Variants in CEP63 observed in about 807,000 individuals in gnomAD.
CEP63 encodes centrosomal protein 63.
A neutral mutation model predicts 89.1 loss-of-function variants in CEP63; 84 were observed. The ratio of observed to expected loss-of-function variants is 0.94; its 90% confidence interval spans 0.79 to 1.13. CEP63 has a LOEUF of 1.13. Ranked by LOEUF, CEP63 falls within the 50% of genes most tolerant of loss-of-function variation. The pLI is 0.00. For synonymous variants in CEP63, 267 were observed against 272.5 expected, an observed-to-expected ratio of 0.98 and a Z score of 0.20; for missense variants, 838 against 813.3, an observed-to-expected ratio of 1.03 and a Z score of -0.37.
the CEP63 span, among the ~76,000 whole-genome samples, chr3:134,745,668 T>C: frequency 2.0e-5 from 3 of 152,122 alleles, no homozygotes; most frequent in Non-Finnish European, 4.4e-5. Flanking sequence ...TTTCTCTTAA[T>C]GCTATCTTTC....
At chr3:134,675,678 C>T in the CEP63 span, among the ~76,000 whole-genome samples, 2 of 152,176 alleles carry the variant, frequency 1.3e-5, no homozygotes, top group Admixed American at 1.3e-4. Context: ...ACTAATACAA[C>T]TCAATACTAA....
At chr3:134,780,577 G>T in the CEP63 span, 2 of 152,074 alleles carry the variant, frequency 1.3e-5, no homozygotes, top group African/African-American at 4.8e-5. Context: ...CAGAGGAGCC[G>T]TGCTAATCTG....
At chr3:134,620,198 A>C in the CEP63 span, among the ~76,000 whole-genome samples, 2 of 152,150 alleles carry the variant, frequency 1.3e-5, no homozygotes, top group Non-Finnish European at 2.9e-5. Flanking sequence ...CATCCTGTGG[A>C]GAGCTGTGGG....
At chr3:134,651,882 T>C in the CEP63 span, among the ~76,000 whole-genome samples, 9 of 152,278 alleles carry the variant, frequency 5.9e-5, no homozygotes, top group East Asian at 9.7e-4. Flanking sequence ...AGTGTTTACA[T>C]AGGCTTCTGC....
At chr3:134,637,003 T>C in the CEP63 span, among the ~76,000 whole-genome samples, 3 of 152,222 alleles carry the variant, frequency 2.0e-5, no homozygotes, top group African/African-American at 4.8e-5. Flanking sequence ...TTATTTTTCA[T>C]AGAATAACAA....
chr3:134,543,319 G>A (rs938113023), intron 6 of CEP63, among the ~76,000 whole-genome samples: 3 of 152,078 alleles, frequency 2.0e-5, no homozygotes, highest in East Asian at 1.9e-4. Flanking sequence ...TGCAATATCC[G>A]CGTGTGGGTG....
intron 10 of CEP63, among the ~76,000 whole-genome samples, chr3:134,584,960 T>TTTTTGTTTTG (rs373896655): frequency 5.4e-5 from 1 of 18,378 alleles, no homozygotes; most frequent in Non-Finnish European, 1.4e-4. Context: ...TCTAGGGTTT[T>TTTTTGTTTTG]TTTTTTTTTT....
At chr3:134,634,133 C>T in the CEP63 span, among the ~76,000 whole-genome samples, 1 of 152,132 alleles carries the variant, frequency 6.6e-6, no homozygotes, top group Admixed American at 6.5e-5. Flanking sequence ...GATGGGGAGA[C>T]ATACCATGTT....
At chr3:134,742,806 T>C in the CEP63 span, among the ~76,000 whole-genome samples, 1 of 152,234 alleles carries the variant, frequency 6.6e-6, no homozygotes. Context: ...TACCATGGGA[T>C]GACAGAGCAA....
chr3:134,528,557 T>TGTGTGTGTGC (rs1553763850), intron 3 of CEP63, among the ~76,000 whole-genome samples: 9 of 118,652 alleles, frequency 7.6e-5, no homozygotes, highest in East Asian at 2.3e-4. Context: ...AGGAGGGGTG[T>TGTGTGTGTGC]GTGTGTGTGT....
chr3:134,643,425 T>C, the CEP63 span: 5 of 1,550,818 alleles, frequency 3.2e-6, no homozygotes, highest in Non-Finnish European at 3.6e-6. Context: ...TGGGGAATTT[T>C]CCCCAGGCAG....
chr3:134,714,088 T>A, the CEP63 span, among the ~76,000 whole-genome samples: 2 of 151,994 alleles, frequency 1.3e-5, no homozygotes, highest in African/African-American at 4.8e-5. Context: ...TTTCAACAAT[T>A]TGAAATAGCA....
the CEP63 span, among the ~76,000 whole-genome samples, chr3:134,665,901 A>G: frequency 6.6e-6 from 1 of 152,148 alleles, no homozygotes; most frequent in East Asian, 1.9e-4. Context: ...GTCGAGGGGC[A>G]GAAAGAGACA....
the CEP63 span, among the ~76,000 whole-genome samples, chr3:134,709,330 G>T: frequency 6.6e-6 from 1 of 152,116 alleles, no homozygotes; most frequent in Non-Finnish European, 1.5e-5. Context: ...TGATGAGGGT[G>T]ATTGCACCTG....
the CEP63 span, among the ~76,000 whole-genome samples, chr3:134,679,208 T>C: frequency 2.7e-3 from 417 of 152,344 alleles, 3 homozygotes; most frequent in African/African-American, 9.6e-3. Flanking sequence ...TCTTATTTAA[T>C]CTTCTATATT....
chr3:134,716,549 T>C, the CEP63 span, among the ~76,000 whole-genome samples: 1 of 152,162 alleles, frequency 6.6e-6, no homozygotes, highest in African/African-American at 2.4e-5. Flanking sequence ...CTAGGGTCTG[T>C]CTAGTCTGCC....
At chr3:134,599,184 C>G in the CEP63 span, among the ~76,000 whole-genome samples, 1 of 152,354 alleles carries the variant, frequency 6.6e-6, no homozygotes, top group Middle Eastern at 3.4e-3. Context: ...AGGTCATCCA[C>G]TCCAGCTTTG....
chr3:134,698,497 A>G, the CEP63 span, among the ~76,000 whole-genome samples: 3 of 152,226 alleles, frequency 2.0e-5, no homozygotes, highest in African/African-American at 4.8e-5. Context: ...GCCAATTTCC[A>G]TAGAGATGGG....
the CEP63 span, chr3:134,607,756 A>C: frequency 2.0e-6 from 2 of 985,926 alleles, no homozygotes; most frequent in Non-Finnish European, 2.4e-6. Context: ...GGGAGAGCAC[A>C]TGTCAGCCCA....
Sources: gnomAD v4.1 joint callset for allele counts (sites outside exome capture counted in the v4.1 genomes callset) on GRCh38, gnomAD v4.1.1 for gene constraint, MANE v1.5 for transcripts, NCBI Gene and HGNC (gene_info 2026-07-23, HGNC 2026-07-21) for gene names.